The following EXOC7 variants were observed in gnomAD, a reference collection of about 807,000 sequenced individuals.
The protein encoded by EXOC7 is exocyst complex component 7.
In EXOC7, 51 loss-of-function variants were observed where a neutral mutation model predicts 87.6. The ratio of observed to expected loss-of-function variants is 0.58; its 90% confidence interval spans 0.46 to 0.73. EXOC7 has a LOEUF of 0.73. Ranked by LOEUF, EXOC7 falls within the 30% of genes least tolerant of loss-of-function variation. The pLI is 0.00. For synonymous variants in EXOC7, 327 were observed against 357.1 expected, an observed-to-expected ratio of 0.92 and a Z score of 0.95; for missense variants, 744 against 888.4, an observed-to-expected ratio of 0.84 and a Z score of 2.07.
chr17:76,091,220 G>A lies in EXOC7; in HGVS notation c.824C>T (p.Ala275Val). ...PVKRPGTIRK[A>V]QNLLKQYSQH... ...GGAATACTGTTTCAGAAGGTTCTGA[G>A]CCTTACGGATCGTCCCTGTCACCAG... Residue 275 changes from alanine to valine, a missense_variant, in exon 7 of 19, where the codon GCT becomes GTT. Physicochemically the swap from Ala to Val is moderately conservative, Grantham distance 64. Coordinates refer to ENST00000589210, the MANE Select transcript of EXOC7 (RefSeq NM_001013839.4). 6.2e-7 allele frequency: 1 copy of A among 1,614,122 alleles called. No homozygotes were observed. Among genetic ancestry groups the A allele is most frequent in the Non-Finnish European group, 8.5e-7 (1 of 1,179,992 alleles).
At chr17:76,091,317 C>T in intron 6 of EXOC7, 82 bp from the exon 7 acceptor site, 1 of 1,171,430 alleles carries the variant, frequency 8.5e-7, no homozygotes, top group Non-Finnish European at 1.3e-6. Context: ...TCCACCTGCC[C>T]CCCAGGCCCC....
chr17:76,087,406 G>T, intron 12 of EXOC7: 1 of 562,194 alleles, frequency 1.8e-6, no homozygotes, highest in Non-Finnish European at 3.2e-6. Context: ...CTCCCAGAGT[G>T]AGGACACTGC....
rs2067355708 is a variant in EXOC7 at position 76,089,155 on chromosome 17, CCCCCGGGGCGGGGCGGGACCTGTAT to C, written c.1042_1047+19del. The C allele has an allele frequency of 1.2e-6, 2 of 1,611,134 alleles. No homozygotes were observed. Among genetic ancestry groups the C allele is most frequent in the Admixed American group, 3.3e-5 (2 of 60,014 alleles). On this transcript the variant is annotated splice_donor_variant and splice_donor_5th_base_variant and coding_sequence_variant and intron_variant, in exon 8 of 19. Coordinates refer to ENST00000589210, the MANE Select transcript of EXOC7 (RefSeq NM_001013839.4). LOFTEE classifies it high-confidence loss of function. ...GCTCTTGCTGGGGCTGGCTGCAGAG[CCCCCGGGGCGGGGCGGGACCTGTAT>C]CAGGGAGTCGAAGGTCTTCTTCTGG...
intron 6 of EXOC7, chr17:76,092,291 G>GTTTTTTTTTT (rs71363610): frequency 9.9e-6 from 1 of 101,420 alleles, no homozygotes; most frequent in Non-Finnish European, 1.9e-5. Context: ...CAATTAGCTT[G>GTTTTTTTTTT]TTTTTTTTTT....
intron 11 of EXOC7, 107 bp from the exon 12 acceptor site, chr17:76,087,827 C>T: frequency 8.2e-7 from 1 of 1,223,704 alleles, no homozygotes; most frequent in Non-Finnish European, 1.2e-6. Context: ...TGGGATCCGC[C>T]CAGTGAAGAG....
chr17:76,089,580 G>A (rs1258818640), intron 7 of EXOC7: 12 of 543,402 alleles, frequency 2.2e-5, no homozygotes, highest in African/African-American at 5.7e-5. Flanking sequence ...CCAGAGGCAG[G>A]AGAGTGACGG....
chr17:76,099,662 A>G (rs1418552315), intron 4 of EXOC7, among the ~76,000 whole-genome samples: 1 of 152,264 alleles, frequency 6.6e-6, no homozygotes, highest in Non-Finnish European at 1.5e-5. Flanking sequence ...GGCCAGTCAC[A>G]AAAGGCCATG....
intron 5 of EXOC7, among the ~76,000 whole-genome samples, chr17:76,096,399 C>A (rs1231836191): frequency 6.6e-6 from 1 of 151,548 alleles, no homozygotes; most frequent in Admixed American, 6.6e-5. Flanking sequence ...CCTGTAACCC[C>A]AGCTACTTGG....
intron 12 of EXOC7, 38 bp from the exon 13 acceptor site, chr17:76,086,183 G>T (rs1470089319): frequency 6.2e-7 from 1 of 1,600,102 alleles, no homozygotes; most frequent in East Asian, 2.2e-5. Flanking sequence ...AGTGGCAGCA[G>T]CCAAGACCCT....
In EXOC7 at chr17:76,090,576, C is replaced by T. The variant is rs898538356; in HGVS notation, c.901+567G>A. 8 of 1,239,404 alleles carry T rather than the reference C, an allele frequency of 6.5e-6. No individual in the cohort carries two copies. In the African/African-American group the frequency reaches 7.5e-5, roughly 12 times the overall value. The allele number at this position is 1,239,404 out of a possible 1,614,324, so 76.8% of individuals were successfully genotyped here. ...CCTCTACCTCAAGCCACCTTGGGAA[C>T]AGCCGTTTCAAGCCTGACTTCAGTG... is the stretch of plus-strand genomic sequence containing the variant. On this transcript the variant is annotated intron_variant, in intron 7 of 18. Coordinates refer to ENST00000589210, the MANE Select transcript of EXOC7 (RefSeq NM_001013839.4).
intron 7 of EXOC7, chr17:76,090,282 C>T (rs755132305): frequency 6.0e-5 from 93 of 1,539,580 alleles, no homozygotes; most frequent in South Asian, 1.7e-4. Context: ...GGGACCGCTG[C>T]GAAGGCAGTG....
intron 12 of EXOC7, 133 bp from the exon 13 acceptor site, chr17:76,086,278 G>A: frequency 1.1e-6 from 1 of 893,770 alleles, no homozygotes; most frequent in Non-Finnish European, 1.8e-6. Flanking sequence ...CTGGCTGCCT[G>A]CTAAGCCACA....
intron 9 of EXOC7, 61 bp downstream of exon 9, chr17:76,088,710 G>C: frequency 2.5e-6 from 4 of 1,605,540 alleles, no homozygotes; most frequent in Non-Finnish European, 3.4e-6. Context: ...GGGATGGGGC[G>C]GCCACACCCG....
chr17:76,100,587 C>T (rs766165806), intron 4 of EXOC7, among the ~76,000 whole-genome samples: 5 of 150,780 alleles, frequency 3.3e-5, no homozygotes, highest in African/African-American at 7.3e-5. Flanking sequence ...GAGCCGAGAT[C>T]GTGCCATTGC....
chr17:76,085,569 C>A (rs918513710), intron 14 of EXOC7, 108 bp downstream of exon 14: 3 of 1,570,544 alleles, frequency 1.9e-6, no homozygotes, highest in Non-Finnish European at 2.6e-6. Context: ...TGAAGCACCC[C>A]CTCCCCTCTC....
chr17:76,081,542 C>A lies in EXOC7; in HGVS notation c.*2106G>T. On this transcript the variant is annotated 3_prime_UTR_variant, in exon 19 of 19. Coordinates refer to ENST00000589210, the MANE Select transcript of EXOC7 (RefSeq NM_001013839.4). ...GGGAAGGCCCTGACTTTTCCCCTTCCAGCTGAGGCTGAAGAACACGGCGCT... is the reference window on the plus strand; with the variant it reads ...GGGAAGGCCCTGACTTTTCCCCTTCAAGCTGAGGCTGAAGAACACGGCGCT... 6.2e-7 allele frequency: 1 copy of A among 1,613,202 alleles called. No individual in the cohort carries two copies. The highest frequency in any genetic ancestry group is 8.5e-7 in the Non-Finnish European group (1 of 1,179,986).
Position 76,081,221 on chromosome 17 carries a change from G to A in EXOC7, c.*2427C>T, listed in dbSNP as rs562443591. 6.9e-6 allele frequency: 11 copies of A among 1,604,876 alleles called. No individual in the cohort carries two copies. The Admixed American group carries it at 1.5e-4, about 22-fold the overall frequency. ...CCTGGGCTCCAGTCTGCTACCCCCA[G>A]ACTTGGCAGCTGGGATCTCTCCTTC... On this transcript the variant is annotated 3_prime_UTR_variant, in exon 19 of 19. Coordinates refer to ENST00000589210, the MANE Select transcript of EXOC7 (RefSeq NM_001013839.4).
At chr17:76,088,426 G>C (rs1250372109) in intron 10 of EXOC7, 38 bp downstream of exon 10, 2 of 1,590,126 alleles carry the variant, frequency 1.3e-6, no homozygotes, top group Admixed American at 1.7e-5. Context: ...TGTGGTGCTG[G>C]GCCGGGAGGG....
intron 4 of EXOC7, among the ~76,000 whole-genome samples, chr17:76,098,597 C>G (rs1007448751): frequency 6.6e-6 from 1 of 151,554 alleles, no homozygotes; most frequent in Non-Finnish European, 1.5e-5. Context: ...CACGGTGGCT[C>G]ACGCCTGTAA....
Sources: gnomAD v4.1 joint callset for allele counts (sites outside exome capture counted in the v4.1 genomes callset) on GRCh38, gnomAD v4.1.1 for gene constraint, MANE v1.5 for transcripts, NCBI Gene and HGNC (gene_info 2026-07-23, HGNC 2026-07-21) for gene names.